RBKS: variants seen among roughly 807,000 people sequenced by gnomAD.
The protein encoded by RBKS is ribokinase.
Under a neutral mutation model 33.9 loss-of-function variants are expected in RBKS, and 33 were observed. That is an observed-to-expected ratio of 0.97 (90% CI 0.74 to 1.30). The LOEUF (loss-of-function observed/expected upper bound fraction) is 1.30. Ranked by LOEUF, RBKS falls within the 50% of genes most tolerant of loss-of-function variation. The probability of loss-of-function intolerance (pLI) is 0.00; values close to 1 mark genes in which losing one functional copy is unlikely to be tolerated. For missense variants in RBKS, 361 were observed against 392.6 expected (o/e 0.92, Z 0.68); for synonymous variants, 125 against 143.0 (o/e 0.87, Z 0.90).
chr2:27,782,375 G>C (rs919856378), intron 7 of RBKS, among the ~76,000 whole-genome samples: 4 of 152,050 alleles, frequency 2.6e-5, no homozygotes, highest in African/African-American at 9.6e-5. Flanking sequence ...AAAAAAAAAG[G>C]GTCTCATTAT....
At chr2:27,813,446 G>C (rs780435536) in intron 7 of RBKS, among the ~76,000 whole-genome samples, 9 of 152,046 alleles carry the variant, frequency 5.9e-5, no homozygotes, top group Non-Finnish European at 1.2e-4. Flanking sequence ...GAATCAAATG[G>C]AAATTTTAGA....
chr2:27,805,335 C>T (rs891753156), intron 7 of RBKS, among the ~76,000 whole-genome samples: 1 of 152,154 alleles, frequency 6.6e-6, no homozygotes, highest in Non-Finnish European at 1.5e-5. Context: ...GGTCTCTCTG[C>T]AGTGATTAAT....
Position 27,783,790 on chromosome 2 carries a change from C to T in RBKS, c.796-2002G>A, listed in dbSNP as rs555892181. 1.6e-3 allele frequency among the ~76,000 whole-genome samples: 241 copies of T among 150,740 alleles called. 1 individual carries two copies. The highest frequency in any genetic ancestry group is 4.7e-3 in the African/African-American group (194 of 41,198). On this transcript the variant is annotated intron_variant, in intron 7 of 7. Coordinates refer to ENST00000302188, the MANE Select transcript of RBKS (RefSeq NM_022128.3). ...GGCGAGGTGGTGGACGCCTGTAGTC[C>T]CAGCTACTTGGGAGGCTGAGGCAGG...
intron 7 of RBKS, among the ~76,000 whole-genome samples, chr2:27,799,456 C>A (rs1352093189): frequency 2.0e-5 from 3 of 152,118 alleles, no homozygotes; most frequent in African/African-American, 4.8e-5. Context: ...CAAGTAGATG[C>A]CACTTTCTTC....
intron 7 of RBKS, among the ~76,000 whole-genome samples, chr2:27,803,501 G>A (rs1420005144): frequency 2.6e-5 from 4 of 151,284 alleles, no homozygotes; most frequent in Admixed American, 2.6e-4. Context: ...ACAAGCCTGG[G>A]CAACATGGTG....
chr2:27,865,159 A>G lies in RBKS; in HGVS notation c.90-6588T>C, dbSNP rs1032186106. ...CACGGTGAAACCTCATCTCTACTAAAAATACAAAAAATTAGCCAGGCGTGG... is the reference window on the plus strand; with the variant it reads ...CACGGTGAAACCTCATCTCTACTAAGAATACAAAAAATTAGCCAGGCGTGG... On this transcript the variant is annotated intron_variant, in intron 1 of 7. Transcript: ENST00000302188. Among the ~76,000 whole-genome samples, 4 of 152,148 alleles carry G rather than the reference A, an allele frequency of 2.6e-5. No individual in the cohort carries two copies. In the South Asian group the frequency reaches 8.3e-4, roughly 31 times the overall value.
At chr2:27,813,419 T>G (rs1364184807) in intron 7 of RBKS, among the ~76,000 whole-genome samples, 1 of 152,000 alleles carries the variant, frequency 6.6e-6, no homozygotes, top group Non-Finnish European at 1.5e-5. Context: ...TATGAAAGAA[T>G]GGACAGGTTT....
chr2:27,873,665 T>A (rs1299242904), intron 1 of RBKS, among the ~76,000 whole-genome samples: 1 of 152,194 alleles, frequency 6.6e-6, no homozygotes, highest in African/African-American at 2.4e-5. Flanking sequence ...TGTAATTTTT[T>A]AAACTGGTGG....
intron 7 of RBKS, among the ~76,000 whole-genome samples, chr2:27,786,101 T>G (rs1677394983): frequency 6.6e-6 from 1 of 152,058 alleles, no homozygotes; most frequent in Non-Finnish European, 1.5e-5. Flanking sequence ...GGAAAAGAAA[T>G]AAAAGAATGA....
intron 7 of RBKS, among the ~76,000 whole-genome samples, chr2:27,791,960 T>C (rs1476965773): frequency 6.6e-6 from 1 of 152,174 alleles, no homozygotes; most frequent in Non-Finnish European, 1.5e-5. Flanking sequence ...TAAAATCTTA[T>C]TGTATAAAAA....
intron 2 of RBKS, 80 bp downstream of exon 2, chr2:27,858,358 GA>G (rs1347167667): frequency 6.9e-7 from 1 of 1,456,944 alleles, no homozygotes; most frequent in East Asian, 2.3e-5. Context: ...TAAAATGGTT[GA>G]AAAAATTAAA....
At chr2:27,861,317 C>T in intron 1 of RBKS, 1 of 379,248 alleles carries the variant, frequency 2.6e-6, no homozygotes, top group Non-Finnish European at 5.4e-6. Flanking sequence ...TATTCCTGTT[C>T]TGAAATGAGG....
intron 7 of RBKS, among the ~76,000 whole-genome samples, chr2:27,790,613 A>G (rs1041901903): frequency 1.3e-5 from 2 of 152,234 alleles, no homozygotes; most frequent in Non-Finnish European, 2.9e-5. Flanking sequence ...AGAGATTTGA[A>G]CAGAAGCTTC....
chr2:27,814,186 AC>A, intron 7 of RBKS, among the ~76,000 whole-genome samples: 1 of 152,128 alleles, frequency 6.6e-6, no homozygotes, highest in East Asian at 1.9e-4. Context: ...GTGCCACTGC[AC>A]TCCAGCATGG....
intron 7 of RBKS, among the ~76,000 whole-genome samples, chr2:27,822,334 A>G (rs1264447842): frequency 1.3e-5 from 2 of 152,108 alleles, no homozygotes; most frequent in Non-Finnish European, 2.9e-5. Flanking sequence ...AAGGGTGGGG[A>G]GAGGAGAATG....
intron 7 of RBKS, among the ~76,000 whole-genome samples, chr2:27,793,746 C>T (rs975508747): frequency 2.6e-5 from 4 of 152,104 alleles, no homozygotes; most frequent in African/African-American, 9.7e-5. Flanking sequence ...CCATGTAAAA[C>T]TTCTTGAATT....
chr2:27,799,408 G>A (rs1028602622), intron 7 of RBKS, among the ~76,000 whole-genome samples: 1 of 152,116 alleles, frequency 6.6e-6, no homozygotes, highest in East Asian at 1.9e-4. Flanking sequence ...GTTACAGCGC[G>A]TGCATTCCTC....
At position 27,863,121 on chromosome 2, in the gene RBKS, T is replaced by C. The variant is rs370395692; in HGVS notation, c.90-4550A>G. ...TGTTACTACCATTTAAAGGTAAAAA[T>C]AGTGTAAATTTCTGAATGAGGGAGA... On this transcript the variant is annotated intron_variant, in intron 1 of 7. Coordinates refer to ENST00000302188, the MANE Select transcript of RBKS (RefSeq NM_022128.3). Among the ~76,000 whole-genome samples the C allele has an allele frequency of 2.6e-4, 39 of 152,030 alleles. No homozygotes were observed. In the South Asian group the frequency reaches 3.1e-3, roughly 12 times the overall value.
intron 7 of RBKS, among the ~76,000 whole-genome samples, chr2:27,804,760 C>A (rs992774031): frequency 6.6e-6 from 1 of 152,106 alleles, no homozygotes; most frequent in African/African-American, 2.4e-5. Context: ...TTTAAGAATT[C>A]CTGGCCAGGC....
Sources: gnomAD v4.1 joint callset for allele counts (sites outside exome capture counted in the v4.1 genomes callset) on GRCh38, gnomAD v4.1.1 for gene constraint, MANE v1.5 for transcripts, NCBI Gene and HGNC (gene_info 2026-07-23, HGNC 2026-07-21) for gene names.